DEPDC5: variants seen among roughly 807,000 people sequenced by gnomAD.
DEPDC5 encodes the protein GATOR1 complex protein DEPDC5.
A neutral mutation model predicts 217.3 loss-of-function variants in DEPDC5; 73 were observed. That is an observed-to-expected ratio of 0.34 (90% CI 0.28 to 0.41). The LOEUF (loss-of-function observed/expected upper bound fraction) is 0.41. Among genes scored for constraint, DEPDC5 ranks in the 10% least tolerant of loss-of-function variants. The pLI, the probability that DEPDC5 is intolerant of heterozygous loss-of-function variation, is 1.00. For synonymous variants in DEPDC5, 733 were observed against 756.7 expected, an observed-to-expected ratio of 0.97 and a Z score of 0.51; for missense variants, 1,675 against 2,070.1, an observed-to-expected ratio of 0.81 and a Z score of 3.70.
chr22:31,854,061 A>G (rs1455765453), intron 31 of DEPDC5, among the ~76,000 whole-genome samples: 2 of 152,070 alleles, frequency 1.3e-5, no homozygotes, highest in African/African-American at 2.4e-5. Context: ...CACTACCTCC[A>G]TGGAGGTGTG....
intron 31 of DEPDC5, among the ~76,000 whole-genome samples, chr22:31,855,505 T>C (rs2092251880): frequency 6.6e-6 from 1 of 151,496 alleles, no homozygotes. Flanking sequence ...GCCTCCCAAG[T>C]AGTTGGGACT....
intron 34 of DEPDC5, among the ~76,000 whole-genome samples, chr22:31,871,305 G>A (rs1280853018): frequency 6.6e-6 from 1 of 152,142 alleles, no homozygotes; most frequent in Non-Finnish European, 1.5e-5. Context: ...TTTTCTTATT[G>A]TCTCACTGTA....
At position 31,906,051 on chromosome 22, in the gene DEPDC5, T is replaced by C. The variant is rs1064796662; in HGVS notation, c.4504T>C (p.Tyr1502His). The C allele has an allele frequency of 1.9e-6, 3 of 1,614,154 alleles. No individual in the cohort carries two copies. Among genetic ancestry groups the C allele is most frequent in the Admixed American group, 3.3e-5 (2 of 60,016 alleles). ...FNFPAENKPQ[Y>H]IHVTGTVFLQ... The stretch of plus-strand genomic sequence containing the variant: ...CTTCCCTGCTGAGAACAAGCCTCAG[T>C]ATATCCACGTTACAGGTGAGGAGCT... Residue 1502 changes from tyrosine to histidine, a missense_variant, in exon 42 of 43, where the codon TAT (tyrosine) becomes CAT (histidine). By Grantham distance (83) the Tyr-to-His change is moderately conservative (BLOSUM62 2). Around this residue, in one of 11 missense-constraint regions of DEPDC5, gnomAD observed 182 missense variants for 290.1 expected, o/e 0.63. Coordinates refer to ENST00000651528, the MANE Select transcript of DEPDC5 (RefSeq NM_001242896.3). The surrounding 1 kb of genome is among the most constrained non-coding windows in gnomAD (Gnocchi z 5.1).
chr22:31,808,006 TAGG>T (rs2087759173), intron 18 of DEPDC5, among the ~76,000 whole-genome samples: 1 of 152,196 alleles, frequency 6.6e-6, no homozygotes, highest in Non-Finnish European at 1.5e-5. Flanking sequence ...AGTGAAGTGC[TAGG>T]AGATGGGATT....
chr22:31,797,024 C>T (rs1257774432), intron 12 of DEPDC5, among the ~76,000 whole-genome samples: 4 of 148,544 alleles, frequency 2.7e-5, no homozygotes, highest in Admixed American at 6.7e-5. Context: ...ATGCTTCTTT[C>T]CCAATTGGAT....
intron 7 of DEPDC5, among the ~76,000 whole-genome samples, chr22:31,773,787 A>G (rs1209680206): frequency 1.3e-5 from 2 of 152,160 alleles, no homozygotes; most frequent in Non-Finnish European, 2.9e-5. Flanking sequence ...TTAAGAACAC[A>G]TGAGCCGGGT....
rs75404247 is a variant in DEPDC5 at position 31,789,271 on chromosome 22, T to C, written c.625-2762T>C. Among the ~76,000 whole-genome samples, 915 of 152,362 alleles carry C rather than the reference T, an allele frequency of 6.0e-3. 8 individuals carry two copies. The highest frequency in any genetic ancestry group is 0.02 in the African/African-American group (841 of 41,584). On this transcript the variant is annotated intron_variant, in intron 10 of 42. Coordinates refer to ENST00000651528, the MANE Select transcript of DEPDC5 (RefSeq NM_001242896.3). ...TCAGCTAAAGCATAGATAAATAAAA[T>C]GTATATCCATACAATGTAGTATTAT... is the stretch of plus-strand genomic sequence containing the variant.
intron 26 of DEPDC5, 159 bp downstream of exon 26, chr22:31,837,314 T>G (rs1284387945): frequency 2.7e-6 from 2 of 727,766 alleles, no homozygotes; most frequent in African/African-American, 1.8e-5. Flanking sequence ...ATAAAAAATT[T>G]TAAAAAAACA....
At chr22:31,828,971 G>T (rs542625005) in intron 24 of DEPDC5, among the ~76,000 whole-genome samples, 77 of 152,326 alleles carry the variant, frequency 5.1e-4, no homozygotes, top group African/African-American at 1.7e-3. Flanking sequence ...GCTAAATGAG[G>T]ATGTGCTAGA....
rs2082825400 is a variant in DEPDC5, at chr22:31,766,439, C to G, written c.280-146C>G. 6.9e-6 allele frequency: 5 copies of G among 719,604 alleles called. No individual in the cohort carries two copies. The Admixed American group carries it at 1.4e-4, about 20-fold the overall frequency. 44.6% of individuals were successfully genotyped at this position (719,604 alleles called of 1,614,324 possible). A position where few individuals can be genotyped will look rare whatever the true frequency, so the allele number is the denominator to read the frequency against. On this transcript the variant is annotated intron_variant, in intron 5 of 42. Transcript: ENST00000651528. The stretch of plus-strand genomic sequence containing the variant: ...AAGTGTGCTTTTGCAGGATATAATT[C>G]TGTTCATCAGAGTTCTGCTACTGAA...
chr22:31,879,918 A>G (rs1203589665), intron 38 of DEPDC5, 166 bp downstream of exon 38: 38 of 671,754 alleles, frequency 5.7e-5, no homozygotes, highest in Non-Finnish European at 9.5e-5. Context: ...GCTGACTTCC[A>G]CTTGCCGAGT....
rs1372150061 is a variant in DEPDC5 at position 31,864,530 on chromosome 22, A to ATATATATATATATATT, written c.3330+3100_3330+3101insATATATATATATTTAT. Among the ~76,000 whole-genome samples the ATATATATATATATATT allele has an allele frequency of 2.1e-3, 297 of 138,884 alleles. 3 individuals carry two copies. Among genetic ancestry groups the ATATATATATATATATT allele is most frequent in the Non-Finnish European group, 3.9e-3 (253 of 64,520 alleles). 91.1% of individuals were successfully genotyped at this position (138,884 alleles called of 152,430 possible). Reference sequence around the variant, plus strand: ...TATATATATATATATATATATTTATATATTTATTTATTTACTGTGTGTATT... The same window carrying ATATATATATATATATT: ...TATATATATATATATATATATTTATATATATATATATATATTTATTTATTTATTTACTGTGTGTATT... On this transcript the variant is annotated intron_variant, in intron 33 of 42. Transcript: ENST00000651528.
chr22:31,903,697 G>GC (rs1402886796), intron 41 of DEPDC5, among the ~76,000 whole-genome samples: 1 of 19,648 alleles, frequency 5.1e-5, no homozygotes. Flanking sequence ...CCACACCTAA[G>GC]CCCCCCCACC....
intron 8 of DEPDC5, among the ~76,000 whole-genome samples, chr22:31,781,156 C>T (rs530196139): frequency 4.7e-5 from 7 of 149,812 alleles, no homozygotes; most frequent in South Asian, 2.1e-4. Context: ...GCAGAGGTTG[C>T]GGTGAACCAA....
At chr22:31,763,206 G>T (rs1192508717) in intron 4 of DEPDC5, among the ~76,000 whole-genome samples, 1 of 152,028 alleles carries the variant, frequency 6.6e-6, no homozygotes. Context: ...GTCCAGGCTA[G>T]TCTCGAACTG....
At chr22:31,771,727 A>T (rs1329229874) in intron 7 of DEPDC5, among the ~76,000 whole-genome samples, 7 of 72,104 alleles carry the variant, frequency 9.7e-5, no homozygotes, top group South Asian at 1.4e-3. Context: ...ACACACACAC[A>T]CACACACACA....
rs1397900933 is a variant in DEPDC5, at chr22:31,843,123, G to C, written c.2544G>C (p.Glu848Asp). 6.2e-7 allele frequency: 1 copy of C among 1,613,952 alleles called. No homozygotes were observed. Among genetic ancestry groups the C allele is most frequent in the South Asian group, 1.1e-5 (1 of 91,004 alleles). ...RGLVSRNRPE[E>D]EDQYWLSMGR... The stretch of plus-strand genomic sequence containing the variant: ...TTGTGTCCCGAAACCGCCCTGAGGA[G>C]GAGGACCAGTATTGGCTGAGTATGG... The change falls in exon 28 of 43, where the codon GAG (glutamate) becomes GAC (aspartate). Residue 848 changes from glutamate (E) to aspartate (D), a missense_variant. Physicochemically the swap from Glu to Asp is conservative, Grantham distance 45. Around this residue, in one of 11 missense-constraint regions of DEPDC5, gnomAD observed 293 missense variants for 386.1 expected, o/e 0.76. Transcript: ENST00000651528.
intron 20 of DEPDC5, 112 bp from the exon 21 acceptor site, chr22:31,814,880 G>A: frequency 8.7e-7 from 1 of 1,151,726 alleles, no homozygotes; most frequent in South Asian, 1.4e-5. Flanking sequence ...TCACACTGGG[G>A]ATTTTTGTTA....
At chr22:31,790,605 C>T (rs1430294424) in intron 10 of DEPDC5, among the ~76,000 whole-genome samples, 1 of 152,116 alleles carries the variant, frequency 6.6e-6, no homozygotes. Context: ...GTTCCCTAGA[C>T]CACAATTCTG....
Sources: allele counts gnomAD v4.1 joint callset (sites outside exome capture counted in the v4.1 genomes callset), GRCh38; gene constraint gnomAD v4.1.1; regional missense constraint gnomAD v4.1.1; non-coding constraint Gnocchi (gnomAD v3.1); transcripts MANE v1.5; gene names NCBI Gene and HGNC (gene_info 2026-07-23, HGNC 2026-07-21).